The following NFATC2 variants were observed in gnomAD, a reference collection of about 807,000 sequenced individuals.
NFATC2 encodes nuclear factor of activated T cells 2, also known as nuclear factor of activated T-cells, cytoplasmic 2.
Under a neutral mutation model 87.3 loss-of-function variants are expected in NFATC2, and 22 were observed. The ratio of observed to expected loss-of-function variants is 0.25; its 90% CI spans 0.18 to 0.36. The LOEUF (loss-of-function observed/expected upper bound fraction) is 0.36. NFATC2 is among the 10% of genes least tolerant of loss of function. The probability of loss-of-function intolerance (pLI) is 1.00; values close to 1 mark genes in which losing one functional copy is unlikely to be tolerated. For synonymous variants in NFATC2, 565 were observed against 542.2 expected (o/e 1.04, Z -0.58); for missense variants, 1,149 against 1,259.1 (o/e 0.91, Z 1.32).
chr20:51,413,060 C>T (rs2146278224), intron 9 of NFATC2, among the ~76,000 whole-genome samples: 1 of 149,536 alleles, frequency 6.7e-6, no homozygotes, highest in Non-Finnish European at 1.5e-5. Flanking sequence ...AGGCAGCCAG[C>T]TCCCGGGTTT....
upstream of NFATC2, among the ~76,000 whole-genome samples, chr20:51,543,005 G>T (rs2076851202): frequency 6.6e-6 from 1 of 152,154 alleles, no homozygotes; most frequent in Non-Finnish European, 1.5e-5. Flanking sequence ...GCCGCCACTA[G>T]GACTTTTGCC....
intron 4 of NFATC2, 141 bp from the exon 5 acceptor site, chr20:51,474,293 C>T: frequency 1.0e-6 from 1 of 968,904 alleles, no homozygotes. Context: ...GAATGTATAC[C>T]AAGATGGGGG....
At chr20:51,491,887 C>G (rs1005224658) in intron 3 of NFATC2, among the ~76,000 whole-genome samples, 3 of 144,934 alleles carry the variant, frequency 2.1e-5, no homozygotes, top group Admixed American at 2.1e-4. Flanking sequence ...TACACACACA[C>G]ACACACACAC....
chr20:51,457,916 T>G (rs983972424), intron 5 of NFATC2, among the ~76,000 whole-genome samples: 1 of 149,776 alleles, frequency 6.7e-6, no homozygotes, highest in Admixed American at 6.7e-5. Flanking sequence ...GACATGGTCT[T>G]GCTCTGTCAC....
intron 9 of NFATC2, among the ~76,000 whole-genome samples, chr20:51,400,949 T>C (rs1378297438): frequency 1.3e-5 from 2 of 152,210 alleles, no homozygotes; most frequent in Non-Finnish European, 2.9e-5. Flanking sequence ...CTGGGGCCTC[T>C]GTTAAAATGT....
chr20:51,400,316 C>T (rs773490496), intron 9 of NFATC2, among the ~76,000 whole-genome samples: 1 of 152,202 alleles, frequency 6.6e-6, no homozygotes, highest in African/African-American at 2.4e-5. Context: ...TCTCAGGCAT[C>T]AGGCACAGGT....
intron 1 of NFATC2, among the ~76,000 whole-genome samples, chr20:51,531,304 T>C (rs1256436448): frequency 1.3e-5 from 2 of 152,188 alleles, no homozygotes; most frequent in Non-Finnish European, 2.9e-5. Flanking sequence ...CTGAACTGAT[T>C]CAGAAATGAG....
In NFATC2 at chr20:51,562,169, T is replaced by C. The variant is rs2077038416; in HGVS notation, c.70+391A>G. 6.6e-6 allele frequency among the ~76,000 whole-genome samples: 1 copy of C among 152,152 alleles called. No homozygotes were observed. Among genetic ancestry groups the C allele is most frequent in the Non-Finnish European group, 1.5e-5 (1 of 68,016 alleles). ...GTTCTCTTAAAAGAAAAAAAAGTAA[T>C]AATAATAATACTGCAGCGTTATGGC... On this transcript the variant is annotated intron_variant, in intron 1 of 10. Coordinates refer to the NFATC2 transcript ENST00000414705. This position sits in a 1 kb window ranked among gnomAD's most constrained non-coding sequence, Gnocchi z 5.8.
At chr20:51,495,195 C>A (rs560875332) in intron 3 of NFATC2, among the ~76,000 whole-genome samples, 5 of 152,290 alleles carry the variant, frequency 3.3e-5, no homozygotes, top group African/African-American at 1.2e-4. Context: ...AGCAATTCTC[C>A]CCCCTCAGCC....
intron 9 of NFATC2, 32 bp from the exon 10 acceptor site, chr20:51,398,762 A>T (rs2426295): frequency 6.9e-7 from 1 of 1,454,048 alleles, no homozygotes; most frequent in South Asian, 1.1e-5. Flanking sequence ...ATTTTTGAGA[A>T]GAAAAAAAAA....
At chr20:51,525,022 C>A (rs950241394) in intron 1 of NFATC2, among the ~76,000 whole-genome samples, 1 of 152,058 alleles carries the variant, frequency 6.6e-6, no homozygotes, top group African/African-American at 2.4e-5. Context: ...GAGTTTGAGA[C>A]CAGCCCGGCC....
At chr20:51,485,580 T>C (rs191527827) in intron 3 of NFATC2, among the ~76,000 whole-genome samples, 27 of 152,280 alleles carry the variant, frequency 1.8e-4, no homozygotes, top group Non-Finnish European at 4.4e-5. Context: ...ATCTTCTGTC[T>C]ATATTCCTCT....
chr20:51,501,253 A>C (rs2076085719), intron 3 of NFATC2, among the ~76,000 whole-genome samples: 1 of 152,194 alleles, frequency 6.6e-6, no homozygotes, highest in Non-Finnish European at 1.5e-5. Context: ...TGATACACAC[A>C]GCTGTTGTGC....
Position 51,387,771 on chromosome 20 carries a change from GA to G in NFATC2, c.*3724del, listed in dbSNP as rs1985916364. 1 of 151,224 alleles carries G rather than the reference GA, an allele frequency of 6.6e-6. No individual in the cohort carries two copies. The highest frequency in any genetic ancestry group is 1.5e-5 in the Non-Finnish European group (1 of 67,858). 9.4% of individuals were successfully genotyped at this position (151,224 alleles called of 1,614,324 possible). A position where few individuals can be genotyped will look rare whatever the true frequency, so the allele number is the denominator to read the frequency against. ...GGGAAAGGTTAGCCCAGCTTGTCAA[GA>G]ACGTCACAACTCCATCCATGCCTCT... On this transcript the variant is annotated 3_prime_UTR_variant, in exon 11 of 11. Coordinates refer to ENST00000371564, the MANE Select transcript of NFATC2 (RefSeq NM_012340.5).
intron 3 of NFATC2, among the ~76,000 whole-genome samples, chr20:51,501,224 A>G (rs2076085080): frequency 6.6e-6 from 1 of 152,134 alleles, no homozygotes; most frequent in African/African-American, 2.4e-5. Flanking sequence ...TAAACCTGCA[A>G]ATGTGAATGG....
Position 51,542,704 on chromosome 20 carries a change from G to T in NFATC2, c.-205C>A. On this transcript the variant is annotated 5_prime_UTR_variant, in exon 1 of 11. Transcript: ENST00000371564. ...AAGCTGAGCGGCGGCGGCGACGGCG[G>T]CGCGAGCTTCCTGCTCCGGAGGCAC... The T allele has an allele frequency of 9.3e-7, 1 of 1,071,774 alleles. No individual in the cohort carries two copies. Among genetic ancestry groups the T allele is most frequent in the South Asian group, 4.5e-5 (1 of 22,322 alleles). 66.4% of individuals were successfully genotyped at this position (1,071,774 alleles called of 1,614,324 possible).
At chr20:51,487,200 G>A (rs1327691631) in intron 3 of NFATC2, among the ~76,000 whole-genome samples, 5 of 152,206 alleles carry the variant, frequency 3.3e-5, no homozygotes, top group African/African-American at 1.2e-4. Flanking sequence ...CCAAGAGACG[G>A]CAACTGGGGA....
intron 1 of NFATC2, among the ~76,000 whole-genome samples, chr20:51,553,349 G>A (rs1487200284): frequency 2.6e-5 from 4 of 152,218 alleles, no homozygotes; most frequent in Admixed American, 1.3e-4. Context: ...TTTCTAGCAC[G>A]TTCCCCTCTG....
intron 3 of NFATC2, among the ~76,000 whole-genome samples, chr20:51,478,890 T>G (rs1427326854): frequency 1.3e-5 from 2 of 152,204 alleles, no homozygotes; most frequent in Non-Finnish European, 2.9e-5. Flanking sequence ...TTTCTCCACC[T>G]AGAATCCTCT....
Sources: gnomAD v4.1 joint callset for allele counts (sites outside exome capture counted in the v4.1 genomes callset) on GRCh38, gnomAD v4.1.1 for gene constraint, Gnocchi (gnomAD v3.1) non-coding constraint, MANE v1.5 for transcripts, NCBI Gene and HGNC (gene_info 2026-07-23, HGNC 2026-07-21) for gene names.